POFUT3: variants seen among roughly 807,000 people sequenced by gnomAD.
POFUT3 encodes the protein protein O-fucosyltransferase 3.
At chr8:33,380,217 A>ATATATATATATATAC in the POFUT3 span, among the ~76,000 whole-genome samples, 5 of 51,560 alleles carry the variant, frequency 9.7e-5, 1 homozygote, top group South Asian at 1.1e-3. Flanking sequence ...TATATATACT[A>ATATATATATATATAC]TATATATATA....
chr8:33,441,973 G>A, the POFUT3 span, among the ~76,000 whole-genome samples: 10 of 151,834 alleles, frequency 6.6e-5, no homozygotes, highest in Admixed American at 1.3e-4. Context: ...TTTTTGAGAC[G>A]GAGTCTTGCT....
the POFUT3 span, among the ~76,000 whole-genome samples, chr8:33,392,633 T>A: frequency 6.6e-6 from 1 of 151,768 alleles, no homozygotes; most frequent in East Asian, 1.9e-4. Flanking sequence ...CCTGCAAGCA[T>A]CTCTCCTAAG....
the POFUT3 span, among the ~76,000 whole-genome samples, chr8:33,309,074 T>C: frequency 3.5e-5 from 5 of 143,154 alleles, no homozygotes; most frequent in African/African-American, 1.3e-4. Flanking sequence ...GTGTAGTGTC[T>C]GACTCTGGAG....
At chr8:33,358,414 C>A in the POFUT3 span, among the ~76,000 whole-genome samples, 6 of 152,150 alleles carry the variant, frequency 3.9e-5, no homozygotes, top group African/African-American at 1.2e-4. Flanking sequence ...AAAATACGTG[C>A]AATTCTCAAT....
At chr8:33,382,121 C>A in the POFUT3 span, among the ~76,000 whole-genome samples, 3 of 152,092 alleles carry the variant, frequency 2.0e-5, no homozygotes, top group African/African-American at 7.2e-5. Flanking sequence ...GGCAAAACTC[C>A]ATCTGTACAA....
chr8:33,372,671 T>C, the POFUT3 span: 3 of 1,614,098 alleles, frequency 1.9e-6, no homozygotes, highest in Admixed American at 5.0e-5. Flanking sequence ...TTTCTTGGAT[T>C]GTTCAAAGCT....
At chr8:33,402,195 A>G in the POFUT3 span, among the ~76,000 whole-genome samples, 19 of 152,332 alleles carry the variant, frequency 1.2e-4, no homozygotes, top group African/African-American at 4.3e-4. Context: ...GACATTTTAC[A>G]GAAGTCAATA....
the POFUT3 span, among the ~76,000 whole-genome samples, chr8:33,333,810 T>C: frequency 6.6e-6 from 1 of 151,930 alleles, no homozygotes; most frequent in Non-Finnish European, 1.5e-5. Flanking sequence ...CTTTAAGCAA[T>C]AGAATGACAA....
At chr8:33,429,036 C>T in the POFUT3 span, among the ~76,000 whole-genome samples, 3 of 152,214 alleles carry the variant, frequency 2.0e-5, no homozygotes, top group Admixed American at 6.5e-5. Flanking sequence ...CAGGATACAA[C>T]TTACTGGGCA....
chr8:33,368,944 C>T, the POFUT3 span, among the ~76,000 whole-genome samples: 5 of 152,184 alleles, frequency 3.3e-5, no homozygotes, highest in Non-Finnish European at 7.3e-5. Flanking sequence ...TCAAAAAGCC[C>T]TACTCAAAAC....
the POFUT3 span, among the ~76,000 whole-genome samples, chr8:33,403,831 G>C: frequency 6.6e-6 from 1 of 151,942 alleles, no homozygotes; most frequent in Non-Finnish European, 1.5e-5. Flanking sequence ...GTAGAGACTG[G>C]GGTTCAAAGA....
the POFUT3 span, among the ~76,000 whole-genome samples, chr8:33,415,298 A>G: frequency 6.6e-6 from 1 of 152,062 alleles, no homozygotes. Context: ...ACAAATCTAC[A>G]AGGACAAATA....
the POFUT3 span, among the ~76,000 whole-genome samples, chr8:33,447,719 A>G: frequency 1.3e-5 from 2 of 152,210 alleles, no homozygotes; most frequent in African/African-American, 4.8e-5. Flanking sequence ...AAAATTTAAA[A>G]TGTAAAATGT....
At chr8:33,471,451 C>A in the POFUT3 span, among the ~76,000 whole-genome samples, 1 of 152,054 alleles carries the variant, frequency 6.6e-6, no homozygotes, top group Non-Finnish European at 1.5e-5. Context: ...GGGGTTTCAC[C>A]ATATTGGCCA....
the POFUT3 span, among the ~76,000 whole-genome samples, chr8:33,470,177 A>G: frequency 6.8e-6 from 1 of 146,396 alleles, no homozygotes; most frequent in Non-Finnish European, 1.5e-5. Context: ...AGGTGGGTGG[A>G]TCACTTAAGC....
At chr8:33,400,378 G>A in the POFUT3 span, among the ~76,000 whole-genome samples, 10 of 152,110 alleles carry the variant, frequency 6.6e-5, no homozygotes, top group East Asian at 5.8e-4. Flanking sequence ...ACTTGAACCC[G>A]GAAGGCAGAG....
At chr8:33,439,183 T>A in the POFUT3 span, among the ~76,000 whole-genome samples, 4 of 152,050 alleles carry the variant, frequency 2.6e-5, no homozygotes, top group East Asian at 7.7e-4. Context: ...GGTGGGTGGA[T>A]CAGTTCAGGT....
chr8:33,380,063 CACTATATATATACACTATATAT>C, the POFUT3 span, among the ~76,000 whole-genome samples: 1 of 47,832 alleles, frequency 2.1e-5, no homozygotes, highest in Admixed American at 2.5e-4. Context: ...TATATATATA[CACTATATATATACACTATATAT>C]ACTATATATA....
chr8:33,310,691 A>AC, the POFUT3 span, among the ~76,000 whole-genome samples: 1 of 52,052 alleles, frequency 1.9e-5, no homozygotes, highest in South Asian at 1.4e-3. Context: ...ACTCCATCTC[A>AC]AAAAAAAAAA....
Sources: allele counts gnomAD v4.1 joint callset (sites outside exome capture counted in the v4.1 genomes callset), GRCh38; gene constraint gnomAD v4.1.1; transcripts MANE v1.5; gene names NCBI Gene and HGNC (gene_info 2026-07-23, HGNC 2026-07-21).